USP38: variants seen among roughly 807,000 people sequenced by gnomAD.
USP38 encodes the protein ubiquitin carboxyl-terminal hydrolase 38.
USP38 carries 49 observed loss-of-function variants against 94.3 expected under a neutral mutation model. The observed-to-expected ratio is 0.52, with a 90% CI of 0.41 to 0.66. The LOEUF is 0.66. Ranked by LOEUF, USP38 falls within the 30% of genes least tolerant of loss-of-function variation. The pLI is 0.00. For missense variants in USP38, 1,128 were observed against 1,229.4 expected (o/e 0.92, Z 1.23); for synonymous variants, 468 against 463.6 (o/e 1.01, Z -0.12).
rs372028577 is a variant in USP38, at chr4:143,192,987, C to T, written c.819-2729C>T. On this transcript the variant is annotated intron_variant, in intron 2 of 9. Transcript: ENST00000307017. ...AGTGGAATTTTCTACTCTCTGCTCT[C>T]GTCCTCTCTCAGTACTCTCTTTAGA... Among the ~76,000 whole-genome samples, 40 of 152,240 alleles carry T rather than the reference C, an allele frequency of 2.6e-4. 1 individual carries two copies. In the East Asian group the frequency reaches 4.3e-3, roughly 16 times the overall value.
chr4:143,185,666 CCGGCCAGA>C lies in USP38; in HGVS notation c.217_224del (p.Arg73ValfsTer50). On this transcript the variant is annotated frameshift_variant, in exon 1 of 10. Transcript: ENST00000307017. LOFTEE classifies it high-confidence loss of function. ...TGCTGGAGGCCTACGCACGATACCA[CCGGCCAGA>C]GTTCGAGTCCTTCTTCAACAAGACC... The C allele has an allele frequency of 6.2e-7, 1 of 1,614,186 alleles. No homozygotes were observed.
chr4:143,201,468 C>A (rs375774664), intron 4 of USP38, among the ~76,000 whole-genome samples: 1 of 152,086 alleles, frequency 6.6e-6, no homozygotes, highest in African/African-American at 2.4e-5. Context: ...TGAGGACATT[C>A]CTTAATCTAG....
intron 4 of USP38, among the ~76,000 whole-genome samples, chr4:143,203,033 C>T (rs1385343291): frequency 6.6e-6 from 1 of 151,952 alleles, no homozygotes; most frequent in Non-Finnish European, 1.5e-5. Context: ...TTAGCTAATT[C>T]CAGGATTATT....
intron 1 of USP38, 24 bp from the exon 2 acceptor site, chr4:143,187,801 CT>C: frequency 6.3e-7 from 1 of 1,591,656 alleles, no homozygotes; most frequent in Non-Finnish European, 8.5e-7. Flanking sequence ...GCCATGTTCC[CT>C]TTTCTTTTTA....
chr4:143,206,319 T>A (rs891293313), intron 6 of USP38, 93 bp downstream of exon 6: 2 of 1,074,048 alleles, frequency 1.9e-6, no homozygotes, highest in African/African-American at 1.6e-5. Flanking sequence ...ACATTATTCC[T>A]TATAAATGGC....
In USP38 at chr4:143,214,285, A is replaced by G; in HGVS notation, c.2309A>G (p.Tyr770Cys). The G allele has an allele frequency of 6.2e-7, 1 of 1,613,242 alleles. No homozygotes were observed. Among genetic ancestry groups the G allele is most frequent in the Non-Finnish European group, 8.5e-7 (1 of 1,179,704 alleles). The change falls in exon 9 of 10, where the codon TAT (tyrosine) becomes TGT (cysteine). Residue 770 changes from tyrosine (Y) to cysteine (C), a missense_variant. By Grantham distance (194) the Tyr-to-Cys change is radical. Transcript: ENST00000307017. ...ATTCTTACTCTCCTGAGATTTTCAT[A>G]TGATCAGAAGTATCATGTGAGAAGG... ...YLILTLLRFS[Y>C]DQKYHVRRKI...
chr4:143,220,378 C>G lies in USP38; in HGVS notation c.3051C>G (p.Asn1017Lys). Residue 1017 changes from asparagine to lysine, a missense_variant, in exon 10 of 10, where the codon AAC (asparagine) becomes AAG (lysine). Coordinates refer to ENST00000307017, the MANE Select transcript of USP38 (RefSeq NM_032557.6). Reference protein sequence around the residue: ...CSFRPNGFDDNDPPGSCGPTG... With the variant: ...CSFRPNGFDDKDPPGSCGPTG... The stretch of plus-strand genomic sequence containing the variant: ...TTCGGCCCAATGGATTTGATGACAA[C>G]GACCCACCAGGAAGCTGTGGACCAA... 6.2e-7 allele frequency: 1 copy of G among 1,613,378 alleles called. No homozygotes were observed. The highest frequency in any genetic ancestry group is 8.5e-7 in the Non-Finnish European group (1 of 1,179,614).
At chr4:143,210,351 C>G (rs1420526691) in intron 7 of USP38, among the ~76,000 whole-genome samples, 1 of 152,036 alleles carries the variant, frequency 6.6e-6, no homozygotes, top group Non-Finnish European at 1.5e-5. Context: ...CACTTGGAGG[C>G]CAAGGCAGGC....
At position 143,187,841 on chromosome 4, in the gene USP38, C is replaced by T; in HGVS notation, c.698C>T (p.Pro233Leu). ...SISSTDASFE[P>L]SVALASLVQH... ...GAAAAAACAGATGCATCATTTGAAC[C>T]TTCTGTAGCATTGGCAAGCCTTGTG... Residue 233 changes from proline (P) to leucine (L), a missense_variant, in exon 2 of 10, where the codon CCT becomes CTT. Coordinates refer to ENST00000307017, the MANE Select transcript of USP38 (RefSeq NM_032557.6). 2.5e-6 allele frequency: 4 copies of T among 1,612,026 alleles called. No individual in the cohort carries two copies. Among genetic ancestry groups the T allele is most frequent in the Non-Finnish European group, 3.4e-6 (4 of 1,179,174 alleles).
chr4:143,204,813 A>T (rs1354353996), intron 5 of USP38, among the ~76,000 whole-genome samples: 1 of 152,234 alleles, frequency 6.6e-6, no homozygotes, highest in Non-Finnish European at 1.5e-5. Context: ...ATCAGAAATT[A>T]TTAGAAATCA....
chr4:143,210,528 G>A (rs546631311), intron 7 of USP38, among the ~76,000 whole-genome samples: 21 of 151,958 alleles, frequency 1.4e-4, no homozygotes, highest in African/African-American at 4.6e-4. Context: ...TGGAGCTTGC[G>A]GTGAGCCGAG....
In USP38 at chr4:143,222,062, C is replaced by G. The variant is rs1181587592; in HGVS notation, c.*1606C>G. The G allele has an allele frequency of 6.6e-6, 1 of 152,058 alleles. No homozygotes were observed. The highest frequency in any genetic ancestry group is 2.4e-5 in the African/African-American group (1 of 41,448). The allele number at this position is 152,058 out of a possible 1,614,324, so 9.4% of individuals were successfully genotyped here. On this transcript the variant is annotated 3_prime_UTR_variant, in exon 10 of 10. Coordinates refer to ENST00000307017, the MANE Select transcript of USP38 (RefSeq NM_032557.6). ...TCCTGTGTGTTCAGTTATCCACTTA[C>G]TTGATAGCAACTTACGACCAGATTA...
intron 2 of USP38, 115 bp downstream of exon 2, chr4:143,188,076 CAT>C (rs1483479503): frequency 3.3e-6 from 4 of 1,226,234 alleles, no homozygotes; most frequent in Non-Finnish European, 4.5e-6. Context: ...CATGGAATGA[CAT>C]ATGTAAAGAT....
At chr4:143,188,382 T>C (rs4690777) in intron 2 of USP38, among the ~76,000 whole-genome samples, 81,257 of 151,744 alleles carry the variant, frequency 0.54, 22,825 homozygotes, top group East Asian at 0.82. Flanking sequence ...CCTGTTTGAA[T>C]TTTTTTTCTT....
At position 143,185,775 on chromosome 4, in the gene USP38, A is replaced by G; in HGVS notation, c.325A>G (p.Asn109Asp). ...TGTAGCCATCCTGGACTACATTCAC[A>G]ACGGCCTGAAGCTGATTATGAGCTG... ...KDVAILDYIH[N>D]GLKLIMSCPS... Residue 109 changes from asparagine to aspartate, a missense_variant, in exon 1 of 10, where the codon AAC (asparagine) becomes GAC (aspartate). By Grantham distance (23) the Asn-to-Asp change is conservative. Coordinates refer to ENST00000307017, the MANE Select transcript of USP38 (RefSeq NM_032557.6). 1 of 1,614,148 alleles carries G rather than the reference A, an allele frequency of 6.2e-7. No individual in the cohort carries two copies. Among genetic ancestry groups the G allele is most frequent in the South Asian group, 1.1e-5 (1 of 91,078 alleles).
chr4:143,215,625 A>T (rs1003794371), intron 9 of USP38: 4 of 152,014 alleles, frequency 2.6e-5, no homozygotes, highest in African/African-American at 9.7e-5. Flanking sequence ...CTCAACATAC[A>T]GGGCTAGCAG....
chr4:143,214,069 A>G lies in USP38; in HGVS notation c.2093A>G (p.Asn698Ser), dbSNP rs1001958313. ...SENTSVPNES[N>S]KILVNKDVPQ... ...AACACTTCTGTCCCTAACGAATCTA[A>G]CAAGATTCTTGTTAATAAAGATGTA... Residue 698 changes from asparagine to serine, a missense_variant, in exon 9 of 10, where the codon AAC becomes AGC. Asn to Ser is a conservative substitution (Grantham distance 46). Transcript: ENST00000307017. 6 of 1,613,508 alleles carry G rather than the reference A, an allele frequency of 3.7e-6. No homozygotes were observed. Among genetic ancestry groups the G allele is most frequent in the Admixed American group, 1.7e-5 (1 of 59,922 alleles).
Position 143,213,636 on chromosome 4 carries a change from ATTCTGGAATGCAGTGAAAC to A in USP38, c.1665_1683del (p.Glu556TyrfsTer4). 1 of 1,613,248 alleles carries A rather than the reference ATTCTGGAATGCAGTGAAAC, an allele frequency of 6.2e-7. No individual in the cohort carries two copies. Among genetic ancestry groups the A allele is most frequent in the Non-Finnish European group, 8.5e-7 (1 of 1,179,626 alleles). On this transcript the variant is annotated frameshift_variant, in exon 9 of 10. Transcript: ENST00000307017. LOFTEE classifies it high-confidence loss of function. ...TCAGGCCTCACACAAGCCTTCTGAA[ATTCTGGAATGCAGTGAAAC>A]TTCTTTACAGGAAGTAGCTAGTAAA...
intron 2 of USP38, among the ~76,000 whole-genome samples, chr4:143,194,980 A>G (rs762493912): frequency 6.6e-6 from 1 of 151,936 alleles, no homozygotes; most frequent in Non-Finnish European, 1.5e-5. Flanking sequence ...AAGCCATTAC[A>G]ATATTTACAG....
Sources: allele counts gnomAD v4.1 joint callset (sites outside exome capture counted in the v4.1 genomes callset), GRCh38; gene constraint gnomAD v4.1.1; transcripts MANE v1.5; gene names NCBI Gene and HGNC (gene_info 2026-07-23, HGNC 2026-07-21).